ARHGAP35: variants seen among roughly 807,000 people sequenced by gnomAD.
ARHGAP35 encodes rho GTPase-activating protein 35.
In ARHGAP35, 15 loss-of-function variants were observed where a neutral mutation model predicts 111.1. The observed-to-expected ratio is 0.13, with a 90% CI of 0.09 to 0.21. The LOEUF (loss-of-function observed/expected upper bound fraction) is 0.21. ARHGAP35 is among the 10% of genes least tolerant of loss of function. The probability of loss-of-function intolerance (pLI) is 1.00; values close to 1 mark genes in which losing one functional copy is unlikely to be tolerated. For synonymous variants in ARHGAP35, 643 were observed against 710.3 expected, an observed-to-expected ratio of 0.91 and a Z score of 1.51; for missense variants, 1,262 against 1,873.0, an observed-to-expected ratio of 0.67 and a Z score of 6.02.
chr19:46,934,384 C>G (rs1475672674), intron 2 of ARHGAP35, among the ~76,000 whole-genome samples: 1 of 152,216 alleles, frequency 6.6e-6, no homozygotes, highest in South Asian at 2.1e-4. Context: ...CCCCTCCTCC[C>G]GGAGACACAG....
At chr19:46,874,072 C>T (rs1286713661) in intron 1 of ARHGAP35, among the ~76,000 whole-genome samples, 2 of 152,082 alleles carry the variant, frequency 1.3e-5, no homozygotes, top group Non-Finnish European at 2.9e-5. Context: ...TTTTTTTTCC[C>T]AAAGTCCTGT....
At chr19:46,907,331 T>G (rs2056114016) in intron 1 of ARHGAP35, among the ~76,000 whole-genome samples, 2 of 150,878 alleles carry the variant, frequency 1.3e-5, no homozygotes, top group African/African-American at 4.9e-5. Context: ...TTTGTATTTT[T>G]GGTAGAGACG....
At chr19:46,963,226 T>C (rs17659879) in intron 3 of ARHGAP35, among the ~76,000 whole-genome samples, 36,033 of 152,040 alleles carry the variant, frequency 0.24, 4,500 homozygotes, top group Non-Finnish European at 0.28. Flanking sequence ...GGGCATAGTA[T>C]GATTTTGAGC....
intron 1 of ARHGAP35, among the ~76,000 whole-genome samples, chr19:46,909,461 C>T (rs925090117): frequency 1.3e-5 from 2 of 152,152 alleles, no homozygotes; most frequent in South Asian, 4.2e-4. Context: ...GCTGAATGCG[C>T]GTAATCAATA....
rs533127454 is a variant in ARHGAP35, at chr19:46,950,015, A to G, written c.3826+12607A>G. Among the ~76,000 whole-genome samples the G allele has an allele frequency of 7.2e-5, 11 of 152,346 alleles. No homozygotes were observed. The East Asian group carries it at 2.1e-3, about 29-fold the overall frequency. On this transcript the variant is annotated intron_variant, in intron 3 of 6. Transcript: ENST00000672722. ...GCACACCCATCTGGGCACTGGTTGC[A>G]TAGGTCAGGAAAACAGAAGACGGCC...
intron 3 of ARHGAP35, among the ~76,000 whole-genome samples, chr19:46,968,377 A>G (rs981511186): frequency 1.3e-5 from 2 of 152,188 alleles, no homozygotes; most frequent in Non-Finnish European, 2.9e-5. Flanking sequence ...GGGTCAGCAG[A>G]GCAGGAGGGA....
Position 46,919,687 on chromosome 19 carries a change from A to G in ARHGAP35, c.1012A>G (p.Lys338Glu), listed in dbSNP as rs747090852. 6.2e-7 allele frequency: 1 copy of G among 1,614,028 alleles called. No homozygotes were observed. Among genetic ancestry groups the G allele is most frequent in the East Asian group, 2.2e-5 (1 of 44,880 alleles). ...LKHEHIERRR[K>E]LYLAALPLAF... The stretch of plus-strand genomic sequence containing the variant: ...GCATGAGCATATCGAGCGTAGGAGA[A>G]AGCTGTACCTGGCAGCCCTGCCATT... The change falls in exon 2 of 7, where the codon AAG becomes GAG. Residue 338 changes from lysine (K) to glutamate (E), a missense_variant. By Grantham distance (56) the Lys-to-Glu change is moderately conservative (BLOSUM62 1). Transcript: ENST00000672722. The surrounding 1 kb of genome is among the most constrained non-coding windows in gnomAD (Gnocchi z 6.2).
Position 47,000,681 on chromosome 19 carries a change from C to G in ARHGAP35, c.4493C>G (p.Thr1498Arg). The G allele has an allele frequency of 6.3e-7, 1 of 1,578,096 alleles. No homozygotes were observed. Among genetic ancestry groups the G allele is most frequent in the Non-Finnish European group, 8.6e-7 (1 of 1,161,074 alleles). The part of the protein sequence containing the change: ...LLPSQLQAEH[T>R]L ...CCCTCCCAGCTTCAAGCCGAACACACGCTGTGAGCCACCAAGACCTGGGGC... is the reference window on the plus strand; with the variant it reads ...CCCTCCCAGCTTCAAGCCGAACACAGGCTGTGAGCCACCAAGACCTGGGGC... Residue 1498 changes from threonine (T) to arginine (R), a missense_variant, in exon 7 of 7, where the codon ACG (threonine) becomes AGG (arginine). Physicochemically the swap from Thr to Arg is moderately conservative, Grantham distance 71 (BLOSUM62 -1). Around this residue, in one of 8 missense-constraint regions of ARHGAP35, gnomAD observed 75 missense variants for 87.0 expected, o/e 0.86. Transcript: ENST00000672722. The surrounding 1 kb of genome is among the most constrained non-coding windows in gnomAD (Gnocchi z 6.9).
At chr19:46,979,367 C>T (rs932271558) in intron 3 of ARHGAP35, among the ~76,000 whole-genome samples, 1 of 152,148 alleles carries the variant, frequency 6.6e-6, no homozygotes, top group Non-Finnish European at 1.5e-5. Flanking sequence ...TTTTGCAGAG[C>T]GCAGTCGGCT....
chr19:46,920,929 A>G lies in ARHGAP35; in HGVS notation c.2254A>G (p.Ser752Gly), dbSNP rs545335379. The change falls in exon 2 of 7, where the codon AGT becomes GGT. Residue 752 changes from serine to glycine, a missense_variant. Coordinates refer to ENST00000672722, the MANE Select transcript of ARHGAP35 (RefSeq NM_004491.5). This position sits in a 1 kb window ranked among gnomAD's most constrained non-coding sequence, Gnocchi z 7.0. Reference sequence around the variant, plus strand: ...ACGCAACATTAATGAAAAGCAAATCAGTCAAGTTTTGAAGGGACTCCTGGA... The same window carrying G: ...ACGCAACATTAATGAAAAGCAAATCGGTCAAGTTTTGAAGGGACTCCTGGA... ...YGRNINEKQI[S>G]QVLKGLLDSK... 19 of 1,613,722 alleles carry G rather than the reference A, an allele frequency of 1.2e-5. No homozygotes were observed. The African/African-American group carries it at 1.7e-4, about 15-fold the overall frequency.
In ARHGAP35 at chr19:46,999,631, C is replaced by T; in HGVS notation, c.4142+222C>T. The T allele has an allele frequency of 3.6e-6, 2 of 550,326 alleles. No homozygotes were observed. The highest frequency in any genetic ancestry group is 6.5e-6 in the Non-Finnish European group (2 of 308,576). 34.1% of individuals were successfully genotyped at this position (550,326 alleles called of 1,614,324 possible). A position where few individuals can be genotyped will look rare whatever the true frequency, so the allele number is the denominator to read the frequency against. On this transcript the variant is annotated intron_variant, in intron 6 of 6. Transcript: ENST00000672722. The surrounding 1 kb of genome is among the most constrained non-coding windows in gnomAD (Gnocchi z 5.4). ...CCTCCTGCTCCTGTCTGAGGGCAGC[C>T]CACGTGGCCTCAAACCTGCCTAACA...
Position 46,922,015 on chromosome 19 carries a change from G to A in ARHGAP35, c.3340G>A (p.Gly1114Ser), listed in dbSNP as rs1206077255. The change falls in exon 2 of 7, where the codon GGC becomes AGC. Residue 1114 changes from glycine (G) to serine (S), a missense_variant. Physicochemically the swap from Gly to Ser is moderately conservative, Grantham distance 56. Around this residue, in one of 8 missense-constraint regions of ARHGAP35, gnomAD observed 579 missense variants for 716.9 expected, o/e 0.81. Coordinates refer to ENST00000672722, the MANE Select transcript of ARHGAP35 (RefSeq NM_004491.5). The surrounding 1 kb of genome is among the most constrained non-coding windows in gnomAD (Gnocchi z 4.0). Reference sequence around the variant, plus strand: ...CTCCGTGCCCCATGACAGCACCCAAGGCAAAATCATCACCATTCGGAATAT... The same window carrying A: ...CTCCGTGCCCCATGACAGCACCCAAAGCAAAATCATCACCATTCGGAATAT... ...IYSVPHDSTQGKIITIRNINK... is the reference protein window; with the variant it reads ...IYSVPHDSTQSKIITIRNINK... 2 of 1,613,852 alleles carry A rather than the reference G, an allele frequency of 1.2e-6. No individual in the cohort carries two copies. The highest frequency in any genetic ancestry group is 1.3e-5 in the African/African-American group (1 of 74,916).
chr19:46,913,313 G>A (rs541313270), intron 1 of ARHGAP35, among the ~76,000 whole-genome samples: 6 of 151,600 alleles, frequency 4.0e-5, no homozygotes, highest in East Asian at 1.9e-4. Context: ...ACTTCCAGGC[G>A]TATGCTGATA....
At chr19:46,942,511 C>T (rs1486246632) in intron 3 of ARHGAP35, among the ~76,000 whole-genome samples, 1 of 152,050 alleles carries the variant, frequency 6.6e-6, no homozygotes, top group Non-Finnish European at 1.5e-5. Context: ...GTGGTACATG[C>T]CTGTAATCCC....
intron 1 of ARHGAP35, among the ~76,000 whole-genome samples, chr19:46,897,333 A>G (rs925351738): frequency 1.2e-4 from 18 of 151,908 alleles, no homozygotes; most frequent in African/African-American, 4.1e-4. Context: ...CAAGGTGTCC[A>G]TTTCATGAGG....
At chr19:46,875,824 G>C (rs1452931001) in intron 1 of ARHGAP35, among the ~76,000 whole-genome samples, 4 of 152,132 alleles carry the variant, frequency 2.6e-5, no homozygotes, top group Non-Finnish European at 5.9e-5. Flanking sequence ...ACATGCTATT[G>C]ATTTGTTATC....
Position 47,000,717 on chromosome 19 carries a change from C to A in ARHGAP35, c.*29C>A. 1.3e-6 allele frequency: 2 copies of A among 1,539,320 alleles called. No individual in the cohort carries two copies. Among genetic ancestry groups the A allele is most frequent in the Non-Finnish European group, 1.8e-6 (2 of 1,141,562 alleles). The stretch of plus-strand genomic sequence containing the variant: ...ACCAAGACCTGGGGCGACAGGAGAA[C>A]CGGTCCTCTCTCTGACGGGGTGGCA... On this transcript the variant is annotated 3_prime_UTR_variant, in exon 7 of 7. Transcript: ENST00000672722. The surrounding 1 kb of genome is among the most constrained non-coding windows in gnomAD (Gnocchi z 6.9).
At chr19:46,964,607 T>C (rs573845417) in intron 3 of ARHGAP35, among the ~76,000 whole-genome samples, 3 of 152,286 alleles carry the variant, frequency 2.0e-5, no homozygotes, top group East Asian at 3.9e-4. Flanking sequence ...CAATCTCCCA[T>C]TGAAAAACTG....
intron 2 of ARHGAP35, among the ~76,000 whole-genome samples, chr19:46,925,551 A>T (rs776441886): frequency 1.3e-5 from 2 of 152,234 alleles, no homozygotes; most frequent in Non-Finnish European, 2.9e-5. Flanking sequence ...TAGGGAAATG[A>T]CACAGACCCT....
Sources: gnomAD v4.1 joint callset for allele counts (sites outside exome capture counted in the v4.1 genomes callset) on GRCh38, gnomAD v4.1.1 for gene constraint, gnomAD v4.1.1 regional missense constraint, Gnocchi (gnomAD v3.1) non-coding constraint, MANE v1.5 for transcripts, NCBI Gene and HGNC (gene_info 2026-07-23, HGNC 2026-07-21) for gene names.